FAM124A: variants seen among roughly 807,000 people sequenced by gnomAD.
The protein encoded by FAM124A is protein FAM124A.
A neutral mutation model predicts 24.5 loss-of-function variants in FAM124A; 23 were observed. The ratio of observed to expected loss-of-function variants is 0.94; its 90% confidence interval spans 0.68 to 1.33. The LOEUF (loss-of-function observed/expected upper bound fraction) is 1.33, where lower values mean the gene tolerates loss of function less well. Ranked by LOEUF, FAM124A falls within the 40% of genes most tolerant of loss-of-function variation. The probability of loss-of-function intolerance (pLI) is 0.00; values close to 1 mark genes in which losing one functional copy is unlikely to be tolerated. For missense variants in FAM124A, 623 were observed against 722.8 expected (o/e 0.86, Z 1.58); for synonymous variants, 287 against 314.7 (o/e 0.91, Z 0.93).
chr13:51,252,211 G>A lies in FAM124A; in HGVS notation c.834+10G>A. ...CAAGATCCTCCTACAGGTACTGGGG[G>A]GACGCCTGTCTGTCTGTTTAGGGGA... On this transcript the variant is annotated intron_variant, in intron 3 of 3. Coordinates refer to ENST00000322475, the MANE Select transcript of FAM124A (RefSeq NM_001242312.2). 6.2e-7 allele frequency: 1 copy of A among 1,609,266 alleles called. No homozygotes were observed. Among genetic ancestry groups the A allele is most frequent in the Non-Finnish European group, 8.5e-7 (1 of 1,178,164 alleles).
intron 2 of FAM124A, among the ~76,000 whole-genome samples, chr13:51,231,813 A>G: frequency 6.6e-6 from 1 of 152,194 alleles, no homozygotes; most frequent in East Asian, 1.9e-4. Flanking sequence ...TCCCTCTCCA[A>G]TGGAGGGAAC....
chr13:51,228,645 A>G (rs556988758), intron 1 of FAM124A, among the ~76,000 whole-genome samples: 1 of 152,352 alleles, frequency 6.6e-6, no homozygotes, highest in South Asian at 2.1e-4. Context: ...AGACTTGTCC[A>G]GAGAACCCTA....
At chr13:51,257,018 G>A (rs868706445) in intron 3 of FAM124A, among the ~76,000 whole-genome samples, 2 of 152,196 alleles carry the variant, frequency 1.3e-5, no homozygotes, top group Non-Finnish European at 2.9e-5. Context: ...GTGTCAGAAC[G>A]TCCTTTCCTT....
intron 3 of FAM124A, among the ~76,000 whole-genome samples, chr13:51,278,482 C>G (rs188329089): frequency 1.3e-5 from 2 of 152,330 alleles, no homozygotes; most frequent in African/African-American, 2.4e-5. Flanking sequence ...GAGAATACCA[C>G]CAGATCCGCC....
At chr13:51,244,243 G>A (rs139879381) in intron 2 of FAM124A, among the ~76,000 whole-genome samples, 73 of 152,262 alleles carry the variant, frequency 4.8e-4, no homozygotes, top group African/African-American at 1.7e-3. Context: ...CGTTGAGCAT[G>A]TGTGTGTTCA....
chr13:51,232,792 A>G (rs1954392291), intron 2 of FAM124A, among the ~76,000 whole-genome samples: 1 of 152,218 alleles, frequency 6.6e-6, no homozygotes. Flanking sequence ...TCTTTTCAGA[A>G]TGATTTTTCT....
At position 51,281,035 on chromosome 13, in the gene FAM124A, G is replaced by A. The variant is rs200189512; in HGVS notation, c.1420G>A (p.Glu474Lys). 1.2e-6 allele frequency: 2 copies of A among 1,613,970 alleles called. No homozygotes were observed. The highest frequency in any genetic ancestry group is 2.2e-5 in the East Asian group (1 of 44,860). Reference protein sequence around the residue: ...PLPTVSRVTTEASWASLPFFT... With the variant: ...PLPTVSRVTTKASWASLPFFT... Reference sequence around the variant, plus strand: ...GCCCACTGTCAGCAGGGTGACCACAGAGGCCTCCTGGGCTTCCCTCCCTTT... The same window carrying A: ...GCCCACTGTCAGCAGGGTGACCACAAAGGCCTCCTGGGCTTCCCTCCCTTT... The change falls in exon 4 of 4, where the codon GAG (glutamate) becomes AAG (lysine). Residue 474 changes from glutamate to lysine, a missense_variant. Glu to Lys is a moderately conservative substitution (Grantham distance 56). Coordinates refer to ENST00000322475, the MANE Select transcript of FAM124A (RefSeq NM_001242312.2).
intron 3 of FAM124A, among the ~76,000 whole-genome samples, chr13:51,277,750 C>T (rs533218796): frequency 6.6e-6 from 1 of 152,184 alleles, no homozygotes; most frequent in Admixed American, 6.5e-5. Context: ...GCTGAGATCG[C>T]GCCACTGCAC....
intron 2 of FAM124A, among the ~76,000 whole-genome samples, chr13:51,237,407 C>T (rs1489330186): frequency 2.0e-5 from 3 of 152,172 alleles, no homozygotes; most frequent in Admixed American, 1.3e-4. Context: ...TTCCAGCCAA[C>T]GAACCCCAAA....
chr13:51,263,495 T>C (rs979422431), intron 3 of FAM124A, among the ~76,000 whole-genome samples: 3 of 152,216 alleles, frequency 2.0e-5, no homozygotes, highest in African/African-American at 7.2e-5. Flanking sequence ...CACATGCCTC[T>C]CAGGGGAACC....
intron 2 of FAM124A, among the ~76,000 whole-genome samples, chr13:51,247,217 A>G (rs1487724017): frequency 2.0e-5 from 3 of 152,214 alleles, no homozygotes; most frequent in Non-Finnish European, 2.9e-5. Context: ...CCACACATGG[A>G]TGGAGAATGG....
chr13:51,249,958 A>C (rs1231697406), intron 2 of FAM124A, among the ~76,000 whole-genome samples: 1 of 152,204 alleles, frequency 6.6e-6, no homozygotes, highest in Non-Finnish European at 1.5e-5. Context: ...AATTAGTGCC[A>C]GCTTCTTTGT....
In FAM124A at chr13:51,251,960, C is replaced by A; in HGVS notation, c.593C>A (p.Pro198His). 1 of 1,614,232 alleles carries A rather than the reference C, an allele frequency of 6.2e-7. No individual in the cohort carries two copies. Among genetic ancestry groups the A allele is most frequent in the Non-Finnish European group, 8.5e-7 (1 of 1,180,040 alleles). Residue 198 changes from proline (P) to histidine (H), a missense_variant, in exon 3 of 4, where the codon CCC becomes CAC. Pro to His is a moderately conservative substitution (Grantham distance 77). Coordinates refer to ENST00000322475, the MANE Select transcript of FAM124A (RefSeq NM_001242312.2). The surrounding 1 kb of genome is among the most constrained non-coding windows in gnomAD (Gnocchi z 5.3). ...RFYQLILRRS[P>H]SQKKADFCIF... ...TACCAGCTGATTCTCCGGAGGAGCC[C>A]CAGCCAGAAGAAAGCGGACTTCTGC...
rs1210884317 is a variant in FAM124A, at chr13:51,253,922, T to A, written c.834+1721T>A. On this transcript the variant is annotated intron_variant, in intron 3 of 3. Coordinates refer to ENST00000322475, the MANE Select transcript of FAM124A (RefSeq NM_001242312.2). Reference sequence around the variant, plus strand: ...AATATGTTGAGGAATTAAATTAATGTGGGCAGAAAGGATGCATTACCTCTC... The same window carrying A: ...AATATGTTGAGGAATTAAATTAATGAGGGCAGAAAGGATGCATTACCTCTC... 5.3e-5 allele frequency among the ~76,000 whole-genome samples: 8 copies of A among 152,308 alleles called. No homozygotes were observed. In the East Asian group the frequency reaches 1.5e-3, roughly 29 times the overall value.
chr13:51,240,294 T>A (rs771904211), intron 2 of FAM124A, among the ~76,000 whole-genome samples: 3 of 152,256 alleles, frequency 2.0e-5, no homozygotes, highest in Non-Finnish European at 4.4e-5. Flanking sequence ...ATCACCTGAT[T>A]CGGGAAGGGA....
rs573765924 is a variant in FAM124A, at chr13:51,271,937, G to A, written c.835-8513G>A. ...TCACTGGTGTTACCACAGTTTAGGC[G>A]TGGATCCTTTTCTGATATGGTCAGC... is the stretch of plus-strand genomic sequence containing the variant. On this transcript the variant is annotated intron_variant, in intron 3 of 3. Coordinates refer to ENST00000322475, the MANE Select transcript of FAM124A (RefSeq NM_001242312.2). Among the ~76,000 whole-genome samples, 22 of 152,264 alleles carry A rather than the reference G, an allele frequency of 1.4e-4. No homozygotes were observed. The South Asian group carries it at 1.5e-3, about 10-fold the overall frequency.
intron 2 of FAM124A, among the ~76,000 whole-genome samples, chr13:51,243,393 G>A (rs1954521676): frequency 6.6e-6 from 1 of 152,190 alleles, no homozygotes; most frequent in Non-Finnish European, 1.5e-5. Flanking sequence ...GGAATTTGGA[G>A]GCCCCTTTCT....
In FAM124A at chr13:51,281,592, A is replaced by G. The variant is rs1468606991; in HGVS notation, c.*336A>G. 1 of 192,230 alleles carries G rather than the reference A, an allele frequency of 5.2e-6. No individual in the cohort carries two copies. Among genetic ancestry groups the G allele is most frequent in the East Asian group, 1.4e-4 (1 of 7,232 alleles). The allele number at this position is 192,230 out of a possible 1,614,324, so 11.9% of individuals were successfully genotyped here. ...TGAAAAGAAAACCTAGTCAGCCAGA[A>G]CCAATTTGGCAATTTTTCCATGGTA... On this transcript the variant is annotated 3_prime_UTR_variant, in exon 4 of 4. Transcript: ENST00000322475.
At chr13:51,229,729 T>G (rs1455617766) in intron 1 of FAM124A, among the ~76,000 whole-genome samples, 1 of 152,236 alleles carries the variant, frequency 6.6e-6, no homozygotes, top group Non-Finnish European at 1.5e-5. Context: ...TCCTGTTGCA[T>G]CTACCACAGT....
Sources: allele counts gnomAD v4.1 joint callset (sites outside exome capture counted in the v4.1 genomes callset), GRCh38; gene constraint gnomAD v4.1.1; non-coding constraint Gnocchi (gnomAD v3.1); transcripts MANE v1.5; gene names NCBI Gene and HGNC (gene_info 2026-07-23, HGNC 2026-07-21).